The following CST7 variants were observed in gnomAD, a reference collection of about 807,000 sequenced individuals.
The protein encoded by CST7 is cystatin-F.
Under a neutral mutation model 13.1 loss-of-function variants are expected in CST7, and 15 were observed. That is an observed-to-expected ratio of 1.14 (90% CI 0.77 to 1.76). CST7 has a LOEUF of 1.76. CST7 is among the 40% of genes most tolerant of loss of function. The probability of loss-of-function intolerance (pLI) is 0.00; values close to 1 mark genes in which losing one functional copy is unlikely to be tolerated. For synonymous variants in CST7, 75 were observed against 66.9 expected (o/e 1.12, Z -0.59); for missense variants, 193 against 178.8 (o/e 1.08, Z -0.45).
Position 24,959,923 on chromosome 20 carries a change from A to C in CST7, c.*211A>C. The C allele has an allele frequency of 3.5e-6, 2 of 568,600 alleles. No homozygotes were observed. Among genetic ancestry groups the C allele is most frequent in the Non-Finnish European group, 6.4e-6 (2 of 314,288 alleles). The allele number at this position is 568,600 out of a possible 1,614,324, so 35.2% of individuals were successfully genotyped here. A position where few individuals can be genotyped will look rare whatever the true frequency, so the allele number is the denominator to read the frequency against. ...TTAAATAGATCACATTTGCTTCTAA[A>C]ATTAACTCCTGTTTCTGAGGCTTCC... On this transcript the variant is annotated 3_prime_UTR_variant, in exon 4 of 4. Transcript: ENST00000480798.
At chr20:24,958,702 G>A (rs1281340846) in intron 2 of CST7, among the ~76,000 whole-genome samples, 1 of 152,148 alleles carries the variant, frequency 6.6e-6, no homozygotes, top group Non-Finnish European at 1.5e-5. Context: ...GGCCAGAAAG[G>A]AGACATCTGT....
intron 1 of CST7, among the ~76,000 whole-genome samples, chr20:24,956,878 C>T (rs891485634): frequency 6.6e-6 from 1 of 151,096 alleles, no homozygotes; most frequent in African/African-American, 2.4e-5. Flanking sequence ...TTAACACTTA[C>T]GTTGGAAATA....
intron 3 of CST7, among the ~76,000 whole-genome samples, chr20:24,959,267 G>A (rs573348733): frequency 3.4e-4 from 52 of 152,304 alleles, no homozygotes; most frequent in African/African-American, 1.2e-3. Context: ...TCCCAGAGGC[G>A]GAGACACAGC....
intron 1 of CST7, 52 bp downstream of exon 1, chr20:24,949,627 G>T: frequency 1.2e-6 from 2 of 1,606,552 alleles, no homozygotes; most frequent in Non-Finnish European, 1.7e-6. Context: ...CCTGAGATTG[G>T]CCACTGGTGC....
In CST7 at chr20:24,959,810, C is replaced by A; in HGVS notation, c.*98C>A. The A allele has an allele frequency of 8.1e-7, 1 of 1,234,320 alleles. No homozygotes were observed. Among genetic ancestry groups the A allele is most frequent in the Non-Finnish European group, 1.2e-6 (1 of 839,268 alleles). 76.5% of individuals were successfully genotyped at this position (1,234,320 alleles called of 1,614,324 possible). On this transcript the variant is annotated 3_prime_UTR_variant, in exon 4 of 4. Coordinates refer to ENST00000480798, the MANE Select transcript of CST7 (RefSeq NM_003650.4). ...CTCATGACCCAGCCTCACAGACCCT[C>A]TCAGGCCTCTGACGAGTGAGCGGGT...
chr20:24,949,661 TC>T, intron 1 of CST7, 86 bp downstream of exon 1: 1 of 1,549,830 alleles, frequency 6.5e-7, no homozygotes, highest in Non-Finnish European at 8.8e-7. Flanking sequence ...CAGGGCACTT[TC>T]CTAGCTTGGA....
intron 1 of CST7, 85 bp from the exon 2 acceptor site, chr20:24,957,202 A>G (rs2087863883): frequency 1.4e-6 from 2 of 1,383,058 alleles, no homozygotes; most frequent in Non-Finnish European, 2.0e-6. Context: ...CAGAGAACTG[A>G]GCATCACAGA....
chr20:24,959,127 A>G, intron 3 of CST7, 83 bp downstream of exon 3: 1 of 1,114,298 alleles, frequency 9.0e-7, no homozygotes, highest in South Asian at 1.3e-5. Flanking sequence ...CACCGTCACC[A>G]CGTCTCTAAC....
intron 1 of CST7, among the ~76,000 whole-genome samples, chr20:24,950,006 C>T (rs7264679): frequency 0.09 from 13,679 of 152,192 alleles, 698 homozygotes; most frequent in Middle Eastern, 0.12. Context: ...GGGACCCTAA[C>T]GATCAGACTC....
chr20:24,956,059 T>A (rs2122452914), intron 1 of CST7, among the ~76,000 whole-genome samples: 1 of 152,228 alleles, frequency 6.6e-6, no homozygotes, highest in African/African-American at 2.4e-5. Flanking sequence ...CAATGGAGAC[T>A]CTTTACCGGG....
intron 3 of CST7, 108 bp downstream of exon 3, chr20:24,959,152 C>T (rs1253436016): frequency 2.2e-6 from 2 of 901,130 alleles, no homozygotes; most frequent in Non-Finnish European, 3.5e-6. Context: ...CGCCCCAAAC[C>T]TCACCCCTGA....
chr20:24,956,926 C>T (rs2087858590), intron 1 of CST7, among the ~76,000 whole-genome samples: 1 of 132,730 alleles, frequency 7.5e-6, no homozygotes, highest in Admixed American at 7.8e-5. Context: ...GTTCATTGCA[C>T]CCCCTGGCAC....
intron 2 of CST7, 82 bp from the exon 3 acceptor site, chr20:24,958,844 ACT>A: frequency 2.0e-6 from 2 of 993,220 alleles, no homozygotes; most frequent in Non-Finnish European, 3.2e-6. Flanking sequence ...CACCTGCACC[ACT>A]GTCTTGAGGC....
chr20:24,958,898 C>A (rs1011155666), intron 2 of CST7, 30 bp from the exon 3 acceptor site: 2 of 1,536,924 alleles, frequency 1.3e-6, no homozygotes. Context: ...TCCCCTGTGC[C>A]CAGTAACCCA....
rs1197367607 is a variant in CST7, at chr20:24,957,426, C to T, written c.210C>T (p.Phe70=). The T allele has an allele frequency of 6.2e-7, 1 of 1,613,724 alleles. No homozygotes were observed. Among genetic ancestry groups the T allele is most frequent in the Admixed American group, 1.7e-5 (1 of 59,988 alleles). Residue 70 remains phenylalanine (F), a synonymous_variant, in exon 2 of 4, where the codon TTC becomes TTT. Coordinates refer to ENST00000480798, the MANE Select transcript of CST7 (RefSeq NM_003650.4). ...FNNCTNDMFL[F]KESRITRALV... is the part of the protein sequence containing the mutation. ...ACTGCACGAACGACATGTTCTTGTT[C>T]AAGGAGTCCCGCATCACAAGGGCCC...
At chr20:24,954,898 ATT>A (rs895114658) in intron 1 of CST7, among the ~76,000 whole-genome samples, 1 of 152,134 alleles carries the variant, frequency 6.6e-6, no homozygotes, top group Non-Finnish European at 1.5e-5. Flanking sequence ...AAAAATAATT[ATT>A]TTTTGTTATG....
At position 24,949,277 on chromosome 20, in the gene CST7, A is replaced by G. The variant is rs11087490; in HGVS notation, c.-229A>G. On this transcript the variant is annotated 5_prime_UTR_variant, in exon 1 of 4. An upstream start codon of the reference 5' UTR is lost. Coordinates refer to ENST00000480798, the MANE Select transcript of CST7 (RefSeq NM_003650.4). ...CTGGGCTGGGACAGCCCACTGTTCC[A>G]TGCTGCCCAAGAAGGCTCAGCACAG... The G allele has an allele frequency of 0.097, 129,830 of 1,342,220 alleles. 6,882 individuals carry two copies. Among genetic ancestry groups the G allele is most frequent in the African/African-American group, 0.12 (8,202 of 67,560 alleles). 83.1% of individuals were successfully genotyped at this position (1,342,220 alleles called of 1,614,324 possible). A position where few individuals can be genotyped will look rare whatever the true frequency, so the allele number is the denominator to read the frequency against.
At position 24,959,780 on chromosome 20, in the gene CST7, C is replaced by G; in HGVS notation, c.*68C>G. 1 of 1,495,794 alleles carries G rather than the reference C, an allele frequency of 6.7e-7. No individual in the cohort carries two copies. Among genetic ancestry groups the G allele is most frequent in the Middle Eastern group, 1.8e-4 (1 of 5,598 alleles). 92.7% of individuals were successfully genotyped at this position (1,495,794 alleles called of 1,614,324 possible). ...GATGCATGCTCCTTGTCCCCTCCCA[C>G]CCGCCTCATGACCCAGCCTCACAGA... On this transcript the variant is annotated 3_prime_UTR_variant, in exon 4 of 4. Coordinates refer to ENST00000480798, the MANE Select transcript of CST7 (RefSeq NM_003650.4).
intron 1 of CST7, among the ~76,000 whole-genome samples, chr20:24,954,289 G>A (rs2087839875): frequency 6.6e-6 from 1 of 152,158 alleles, no homozygotes; most frequent in African/African-American, 2.4e-5. Flanking sequence ...AGCATCGCAG[G>A]GCCCTCCAGA....
Sources: allele counts gnomAD v4.1 joint callset (sites outside exome capture counted in the v4.1 genomes callset), GRCh38; gene constraint gnomAD v4.1.1; transcripts MANE v1.5; gene names NCBI Gene and HGNC (gene_info 2026-07-23, HGNC 2026-07-21).